SORCS1: variants seen among roughly 807,000 people sequenced by gnomAD.
SORCS1 encodes VPS10 domain-containing receptor SorCS1.
In SORCS1, 60 loss-of-function variants were observed where a neutral mutation model predicts 146.1. The ratio of observed to expected loss-of-function variants is 0.41; its 90% CI spans 0.33 to 0.51. SORCS1 has a LOEUF of 0.51. SORCS1 is among the 20% of genes least tolerant of loss of function. The pLI is 0.21. For synonymous variants in SORCS1, 637 were observed against 584.0 expected, an observed-to-expected ratio of 1.09 and a Z score of -1.31; for missense variants, 1,352 against 1,487.6, an observed-to-expected ratio of 0.91 and a Z score of 1.50.
intron 1 of SORCS1, among the ~76,000 whole-genome samples, chr10:107,026,822 T>C (rs1958427119): frequency 6.6e-6 from 1 of 151,830 alleles, no homozygotes; most frequent in Non-Finnish European, 1.5e-5. Flanking sequence ...AACTTGTACA[T>C]CTCTGGGTAT....
chr10:106,688,460 T>C (rs975056845), intron 9 of SORCS1, 122 bp from the exon 10 acceptor site: 7 of 1,115,206 alleles, frequency 6.3e-6, no homozygotes, highest in East Asian at 5.1e-5. Context: ...GAAAGAAAGG[T>C]TGACGATGGG....
chr10:106,890,449 G>A (rs1012430000), intron 2 of SORCS1, among the ~76,000 whole-genome samples: 2 of 152,060 alleles, frequency 1.3e-5, no homozygotes, highest in Admixed American at 6.6e-5. Flanking sequence ...CCTCAGTGGA[G>A]CCTTATTAAA....
intron 1 of SORCS1, among the ~76,000 whole-genome samples, chr10:106,978,600 C>A (rs1434662021): frequency 1.3e-5 from 2 of 151,956 alleles, no homozygotes; most frequent in East Asian, 3.9e-4. Context: ...GAGTTTGAGA[C>A]CAGCCTGACC....
At chr10:106,736,539 G>A (rs1856956761) in intron 5 of SORCS1, among the ~76,000 whole-genome samples, 1 of 139,138 alleles carries the variant, frequency 7.2e-6, no homozygotes, top group South Asian at 2.3e-4. Context: ...ACAGTCAAGG[G>A]TTTCCCCTTC....
At chr10:106,833,631 C>T (rs1948659628) in intron 2 of SORCS1, among the ~76,000 whole-genome samples, 1 of 152,138 alleles carries the variant, frequency 6.6e-6, no homozygotes, top group African/African-American at 2.4e-5. Flanking sequence ...TGAGGCCTGG[C>T]ACAGCAGAGA....
rs182608261 is a variant in SORCS1, at chr10:106,865,555, C to A, written c.627-35882G>T. Among the ~76,000 whole-genome samples, 1,373 of 152,056 alleles carry A rather than the reference C, an allele frequency of 9.0e-3. 14 individuals are homozygous for A. The highest frequency in any genetic ancestry group is 0.013 in the Non-Finnish European group (915 of 67,984). On this transcript the variant is annotated intron_variant, in intron 2 of 25. Transcript: ENST00000263054. The stretch of plus-strand genomic sequence containing the variant: ...CCTGGGGAACATGGTGAAACCCCAT[C>A]TCTACTAAAAATACAAAAAATTAGC...
chr10:106,996,719 T>C (rs1010173072), intron 1 of SORCS1, among the ~76,000 whole-genome samples: 3 of 152,222 alleles, frequency 2.0e-5, no homozygotes, highest in Admixed American at 6.5e-5. Context: ...GTGCTGATCA[T>C]TCTGGATGAT....
At chr10:107,125,111 C>T (rs1336254714) in intron 1 of SORCS1, among the ~76,000 whole-genome samples, 1 of 151,826 alleles carries the variant, frequency 6.6e-6, no homozygotes, top group Non-Finnish European at 1.5e-5. Flanking sequence ...CACCAACACG[C>T]CCAGCTAATT....
intron 1 of SORCS1, among the ~76,000 whole-genome samples, chr10:107,163,352 T>C (rs1969849072): frequency 6.6e-6 from 1 of 152,156 alleles, no homozygotes; most frequent in Non-Finnish European, 1.5e-5. Flanking sequence ...CAAAACACCC[T>C]CGCTTAGCGC....
At chr10:106,823,708 G>A (rs978830063) in intron 3 of SORCS1, among the ~76,000 whole-genome samples, 9 of 152,258 alleles carry the variant, frequency 5.9e-5, no homozygotes, top group Non-Finnish European at 1.2e-4. Flanking sequence ...AAAAGAAAAC[G>A]GATGTCTTGG....
At chr10:106,852,627 C>CAAAAAAAAAAAAAA (rs370300215) in intron 2 of SORCS1, among the ~76,000 whole-genome samples, 1 of 85,016 alleles carries the variant, frequency 1.2e-5, no homozygotes, top group African/African-American at 4.2e-5. Context: ...GACCCTGTCT[C>CAAAAAAAAAAAAAA]AAAAAAAAAA....
chr10:107,116,343 C>G (rs1590174202), intron 1 of SORCS1, among the ~76,000 whole-genome samples: 2 of 152,058 alleles, frequency 1.3e-5, no homozygotes, highest in East Asian at 3.8e-4. Flanking sequence ...TTCACAATAG[C>G]TAAGACATGG....
chr10:107,020,381 C>T (rs573924298), intron 1 of SORCS1, among the ~76,000 whole-genome samples: 2 of 152,164 alleles, frequency 1.3e-5, no homozygotes, highest in Non-Finnish European at 2.9e-5. Context: ...TATCTGTCCT[C>T]TTCAGCCCTT....
chr10:106,760,969 T>C (rs1859063665), intron 5 of SORCS1, among the ~76,000 whole-genome samples: 1 of 152,048 alleles, frequency 6.6e-6, no homozygotes, highest in African/African-American at 2.4e-5. Context: ...TAGCCAGGCA[T>C]GGTGGCGTGC....
At chr10:106,677,288 T>C in intron 13 of SORCS1, 25 bp downstream of exon 13, 1 of 1,607,108 alleles carries the variant, frequency 6.2e-7, no homozygotes, top group African/African-American at 1.3e-5. Context: ...CAGGTGCAGA[T>C]TTCACAGGCA....
At chr10:106,878,646 A>ATATATATATATATATATATATAT (rs1200849744) in intron 2 of SORCS1, among the ~76,000 whole-genome samples, 6 of 117,884 alleles carry the variant, frequency 5.1e-5, no homozygotes, top group Non-Finnish European at 9.4e-5. Context: ...ATATATATAT[A>ATATATATATATATATATATATAT]TATTTTATAG....
chr10:107,012,772 T>C (rs957229517), intron 1 of SORCS1, among the ~76,000 whole-genome samples: 10 of 152,232 alleles, frequency 6.6e-5, no homozygotes, highest in Non-Finnish European at 1.2e-4. Context: ...CTTAATCCTA[T>C]AGTTCCCCAC....
chr10:106,860,173 A>G (rs1418746026), intron 2 of SORCS1, among the ~76,000 whole-genome samples: 1 of 152,252 alleles, frequency 6.6e-6, no homozygotes, highest in African/African-American at 2.4e-5. Context: ...TGCAAAATGT[A>G]TTATATATCA....
chr10:106,932,190 G>A (rs1480641186), intron 2 of SORCS1, among the ~76,000 whole-genome samples: 1 of 152,026 alleles, frequency 6.6e-6, no homozygotes, highest in African/African-American at 2.4e-5. Context: ...GCATACTATA[G>A]TATTAATATA....
Sources: allele counts gnomAD v4.1 joint callset (sites outside exome capture counted in the v4.1 genomes callset), GRCh38; gene constraint gnomAD v4.1.1; transcripts MANE v1.5; gene names NCBI Gene and HGNC (gene_info 2026-07-23, HGNC 2026-07-21).